GMDS: variants seen among roughly 807,000 people sequenced by gnomAD.
GMDS encodes GDP-mannose 4,6-dehydratase.
GMDS carries 20 observed loss-of-function variants against 49.9 expected under a neutral mutation model. The observed-to-expected ratio is 0.40, with a 90% CI of 0.28 to 0.58. The LOEUF (loss-of-function observed/expected upper bound fraction) is 0.58. GMDS is among the 20% of genes least tolerant of loss of function. The pLI is 0.42. For synonymous variants in GMDS, 177 were observed against 178.6 expected (o/e 0.99, Z 0.07); for missense variants, 362 against 481.4 (o/e 0.75, Z 2.32).
intron 7 of GMDS, among the ~76,000 whole-genome samples, chr6:1,877,531 G>A (rs1490440440): frequency 1.3e-5 from 2 of 151,576 alleles, no homozygotes; most frequent in Non-Finnish European, 2.9e-5. Context: ...CCAACAACTC[G>A]GGAAGTTGAG....
intron 8 of GMDS, among the ~76,000 whole-genome samples, chr6:1,727,314 C>T (rs1766631229): frequency 6.6e-6 from 1 of 152,212 alleles, no homozygotes; most frequent in South Asian, 2.1e-4. Context: ...CGCTAAAATT[C>T]TACTTATCCA....
chr6:1,949,221 GC>G (rs1284204143), intron 6 of GMDS, among the ~76,000 whole-genome samples: 1 of 152,228 alleles, frequency 6.6e-6, no homozygotes, highest in African/African-American at 2.4e-5. Flanking sequence ...TTCACAGTGA[GC>G]TGAAATGACA....
chr6:2,186,301 T>C (rs1055858548), intron 1 of GMDS, among the ~76,000 whole-genome samples: 2 of 152,230 alleles, frequency 1.3e-5, no homozygotes, highest in African/African-American at 4.8e-5. Context: ...CTTCAGATGT[T>C]TATGTTACTG....
At chr6:1,940,421 C>G (rs1246547251) in intron 6 of GMDS, among the ~76,000 whole-genome samples, 1 of 152,202 alleles carries the variant, frequency 6.6e-6, no homozygotes, top group African/African-American at 2.4e-5. Flanking sequence ...CCTTGGGGCC[C>G]TGCATTTTTC....
intron 1 of GMDS, among the ~76,000 whole-genome samples, chr6:2,212,386 T>C (rs1037058748): frequency 1.3e-5 from 2 of 152,142 alleles, no homozygotes; most frequent in African/African-American, 2.4e-5. Flanking sequence ...GCAGCGAGCA[T>C]TGCAGGACCA....
At position 1,778,193 on chromosome 6, in the gene GMDS, T is replaced by C. The variant is rs1383621402; in HGVS notation, c.772-35607A>G. Reference sequence around the variant, plus strand: ...TCTCAACACCTCACGAAAAGCGCCCTTGGGTCTCATTTTGCTGGGATGACT... The same window carrying C: ...TCTCAACACCTCACGAAAAGCGCCCCTGGGTCTCATTTTGCTGGGATGACT... On this transcript the variant is annotated intron_variant, in intron 7 of 10. Coordinates refer to ENST00000380815, the MANE Select transcript of GMDS (RefSeq NM_001500.4). This position sits in a 1 kb window ranked among gnomAD's most constrained non-coding sequence, Gnocchi z 4.6. Among the ~76,000 whole-genome samples the C allele has an allele frequency of 6.6e-6, 1 of 152,180 alleles. No individual in the cohort carries two copies. Among genetic ancestry groups the C allele is most frequent in the Non-Finnish European group, 1.5e-5 (1 of 68,032 alleles).
chr6:1,664,519 G>A (rs985387812), intron 9 of GMDS, among the ~76,000 whole-genome samples: 3 of 152,204 alleles, frequency 2.0e-5, no homozygotes, highest in African/African-American at 7.2e-5. Context: ...TCTCCCTAGA[G>A]TCCCCGATTC....
intron 1 of GMDS, among the ~76,000 whole-genome samples, chr6:2,137,058 T>C (rs536877273): frequency 6.6e-6 from 1 of 152,306 alleles, no homozygotes; most frequent in South Asian, 2.1e-4. Context: ...TTTGCATAAA[T>C]TGGAAAACAA....
At chr6:2,217,234 C>T (rs1581811079) in intron 1 of GMDS, among the ~76,000 whole-genome samples, 2 of 152,116 alleles carry the variant, frequency 1.3e-5, no homozygotes, top group Admixed American at 1.3e-4. Flanking sequence ...CCACCTGACC[C>T]TCCCCTGCTT....
At chr6:1,737,988 C>T (rs114069818) in intron 8 of GMDS, among the ~76,000 whole-genome samples, 8,147 of 144,500 alleles carry the variant, frequency 0.056, 272 homozygotes, top group Non-Finnish European at 0.084. Flanking sequence ...ACACACACCA[C>T]AAACACACCA....
At chr6:1,809,148 C>T (rs752858542) in intron 7 of GMDS, among the ~76,000 whole-genome samples, 2 of 152,146 alleles carry the variant, frequency 1.3e-5, no homozygotes, top group Non-Finnish European at 2.9e-5. Flanking sequence ...AACATAAATT[C>T]ATTTTATTTT....
intron 7 of GMDS, among the ~76,000 whole-genome samples, chr6:1,751,258 C>A (rs112560777): frequency 1.2e-3 from 181 of 152,304 alleles, no homozygotes; most frequent in African/African-American, 4.3e-3. Flanking sequence ...GGGTCCCTGA[C>A]CCCCGTGCCT....
chr6:2,205,918 T>C (rs1339430862), intron 1 of GMDS, among the ~76,000 whole-genome samples: 2 of 152,194 alleles, frequency 1.3e-5, no homozygotes, highest in Non-Finnish European at 2.9e-5. Context: ...GTTGTCCTTT[T>C]TCAAGCAACT....
At chr6:1,851,789 A>AT (rs1757685747) in intron 7 of GMDS, among the ~76,000 whole-genome samples, 1 of 152,252 alleles carries the variant, frequency 6.6e-6, no homozygotes, top group Non-Finnish European at 1.5e-5. Context: ...AATGCTTTTA[A>AT]TGGCAGTCTG....
rs1403527616 is a variant in GMDS, at chr6:1,833,706, T to C, written c.772-91120A>G. The stretch of plus-strand genomic sequence containing the variant: ...GCGAAGTTTAAAACTATAACCAAGG[T>C]TGTTTAAAAAACCATTTTCACATGG... On this transcript the variant is annotated intron_variant, in intron 7 of 10. Coordinates refer to ENST00000380815, the MANE Select transcript of GMDS (RefSeq NM_001500.4). The surrounding 1 kb of genome is among the most constrained non-coding windows in gnomAD (Gnocchi z 4.4). Among the ~76,000 whole-genome samples, 1 of 152,218 alleles carries C rather than the reference T, an allele frequency of 6.6e-6. No homozygotes were observed. The highest frequency in any genetic ancestry group is 1.5e-5 in the Non-Finnish European group (1 of 68,038).
chr6:1,708,289 A>ACGT (rs2113384021), intron 9 of GMDS, among the ~76,000 whole-genome samples: 2 of 152,358 alleles, frequency 1.3e-5, no homozygotes, highest in South Asian at 4.1e-4. Flanking sequence ...GACACTTGAG[A>ACGT]CGTCACTCCT....
At chr6:2,002,235 G>A (rs145341436) in intron 4 of GMDS, among the ~76,000 whole-genome samples, 69 of 152,242 alleles carry the variant, frequency 4.5e-4, no homozygotes, top group African/African-American at 1.2e-3. Context: ...CGTGCCTACC[G>A]CATGTCAGAC....
At chr6:2,213,575 C>T (rs538000890) in intron 1 of GMDS, among the ~76,000 whole-genome samples, 9 of 152,158 alleles carry the variant, frequency 5.9e-5, no homozygotes, top group South Asian at 2.1e-4. Flanking sequence ...GGGGCACATA[C>T]GGAGTAAAAA....
At chr6:1,949,075 TA>T in intron 6 of GMDS, 3 of 949,698 alleles carry the variant, frequency 3.2e-6, no homozygotes, top group Non-Finnish European at 3.8e-6. Flanking sequence ...AGGGAAGGAG[TA>T]AAAAAACTAA....
Sources: allele counts gnomAD v4.1 joint callset (sites outside exome capture counted in the v4.1 genomes callset), GRCh38; gene constraint gnomAD v4.1.1; non-coding constraint Gnocchi (gnomAD v3.1); transcripts MANE v1.5; gene names NCBI Gene and HGNC (gene_info 2026-07-23, HGNC 2026-07-21).